Variants in MAPK6 observed in about 807,000 individuals in gnomAD.
MAPK6 encodes ERK-3.
MAPK6 carries 19 observed loss-of-function variants against 59.3 expected under a neutral mutation model. The ratio of observed to expected loss-of-function variants is 0.32; its 90% CI spans 0.22 to 0.47. MAPK6 has a LOEUF of 0.47. MAPK6 is among the 20% of genes least tolerant of loss of function. The probability of loss-of-function intolerance (pLI) is 1.00; values close to 1 mark genes in which losing one functional copy is unlikely to be tolerated. For synonymous variants in MAPK6, 316 were observed against 290.3 expected, an observed-to-expected ratio of 1.09 and a Z score of -0.90; for missense variants, 724 against 847.9, an observed-to-expected ratio of 0.85 and a Z score of 1.81.
intron 1 of MAPK6, among the ~76,000 whole-genome samples, chr15:51,977,280 G>A (rs1237635055): frequency 4.6e-5 from 7 of 151,702 alleles, no homozygotes. Flanking sequence ...TAGGATTACA[G>A]ACGTGAGCCA....
At chr15:52,023,031 C>T (rs1410761276) in intron 1 of MAPK6, among the ~76,000 whole-genome samples, 1 of 122,850 alleles carries the variant, frequency 8.1e-6, no homozygotes, top group Admixed American at 1.1e-4. Context: ...CGCTTGAACC[C>T]GGGAGGCAGA....
chr15:52,020,200 G>C (rs148558488), intron 1 of MAPK6, among the ~76,000 whole-genome samples: 1 of 152,186 alleles, frequency 6.6e-6, no homozygotes, highest in African/African-American at 2.4e-5. Flanking sequence ...ATTTTAGTCC[G>C]CCTTGTGAGT....
intron 1 of MAPK6, chr15:52,033,893 T>G (rs2031139860): frequency 6.6e-6 from 1 of 152,066 alleles, no homozygotes; most frequent in Admixed American, 6.5e-5. Flanking sequence ...TTGTTTCTAG[T>G]GATAAATCAG....
At chr15:52,057,157 C>T (rs1417936897) in intron 3 of MAPK6, 3 of 151,656 alleles carry the variant, frequency 2.0e-5, no homozygotes, top group South Asian at 4.1e-4. Context: ...ATCCCTCCCC[C>T]GGTCCAGTCA....
At chr15:52,044,797 T>G (rs1340590411) in intron 1 of MAPK6, among the ~76,000 whole-genome samples, 1 of 152,140 alleles carries the variant, frequency 6.6e-6, no homozygotes, top group African/African-American at 2.4e-5. Flanking sequence ...CTCTATAAGA[T>G]TCTAGTAATC....
intron 1 of MAPK6, among the ~76,000 whole-genome samples, chr15:52,028,313 C>T (rs1229822243): frequency 1.3e-5 from 2 of 152,074 alleles, no homozygotes; most frequent in Non-Finnish European, 1.5e-5. Flanking sequence ...TCTTGAACTA[C>T]TGACCTCAAG....
intron 2 of MAPK6, among the ~76,000 whole-genome samples, chr15:51,988,037 A>G (rs1160770858): frequency 6.6e-6 from 1 of 152,128 alleles, no homozygotes; most frequent in African/African-American, 2.4e-5. Context: ...AAGTGCTAGG[A>G]TTACAGGCGT....
intron 2 of MAPK6, among the ~76,000 whole-genome samples, chr15:52,003,561 G>C (rs910847669): frequency 6.6e-6 from 1 of 152,198 alleles, no homozygotes; most frequent in Non-Finnish European, 1.5e-5. Context: ...CTTGGAGGGG[G>C]ATCTGGTCAA....
chr15:52,033,523 T>C (rs1373794378), intron 1 of MAPK6, among the ~76,000 whole-genome samples: 2 of 152,248 alleles, frequency 1.3e-5, no homozygotes, highest in Non-Finnish European at 2.9e-5. Flanking sequence ...CTTAGACCAG[T>C]GGTCTGTCGG....
chr15:52,058,557 A>C, intron 3 of MAPK6, 76 bp from the exon 4 acceptor site: 1 of 1,239,018 alleles, frequency 8.1e-7, no homozygotes, highest in Non-Finnish European at 1.1e-6. Flanking sequence ...TATAATATTT[A>C]AATTAGTTTA....
In MAPK6 at chr15:52,032,377, A is replaced by G. The variant is rs1052126908; in HGVS notation, c.-632+13001A>G. Among the ~76,000 whole-genome samples the G allele has an allele frequency of 9.3e-5, 14 of 150,600 alleles. No individual in the cohort carries two copies. The East Asian group carries it at 2.8e-3, about 30-fold the overall frequency. On this transcript the variant is annotated intron_variant, in intron 1 of 5. Coordinates refer to ENST00000261845, the MANE Select transcript of MAPK6 (RefSeq NM_002748.4). ...AGCTAATTTTGTATTTTTCATAGAGATGGGGTTTCTCCATTTTGGCCAGGC... is the reference window on the plus strand; with the variant it reads ...AGCTAATTTTGTATTTTTCATAGAGGTGGGGTTTCTCCATTTTGGCCAGGC...
intron 1 of MAPK6, among the ~76,000 whole-genome samples, chr15:52,023,680 C>T (rs773845105): frequency 2.6e-5 from 4 of 152,250 alleles, no homozygotes; most frequent in South Asian, 2.1e-4. Context: ...CGCGCCATCT[C>T]GGCTCACTGC....
At chr15:52,017,864 G>A (rs1310258421), upstream of MAPK6, 2 of 152,210 alleles carry the variant, frequency 1.3e-5, no homozygotes, top group Non-Finnish European at 2.9e-5. Context: ...GAAGGTACGA[G>A]CTCTCGTTGC....
intron 1 of MAPK6, among the ~76,000 whole-genome samples, chr15:52,020,972 A>C (rs2030505950): frequency 6.6e-6 from 1 of 152,220 alleles, no homozygotes; most frequent in Non-Finnish European, 1.5e-5. Context: ...ACTGTTGAGA[A>C]GAAAACACTG....
intron 3 of MAPK6, among the ~76,000 whole-genome samples, chr15:52,005,517 C>T (rs1240228746): frequency 6.6e-6 from 1 of 150,514 alleles, no homozygotes. Context: ...ACAAGAGTGA[C>T]ATTCCATCTC....
intron 1 of MAPK6, among the ~76,000 whole-genome samples, chr15:52,030,464 G>A (rs1566904752): frequency 1.3e-5 from 2 of 152,050 alleles, no homozygotes; most frequent in African/African-American, 2.4e-5. Flanking sequence ...CCAGTGTAAC[G>A]TGATTCTGGA....
At chr15:52,054,741 CACACACACATATACACATACATAGAT>C (rs2031904078) in intron 3 of MAPK6, among the ~76,000 whole-genome samples, 1 of 150,550 alleles carries the variant, frequency 6.6e-6, no homozygotes, top group Non-Finnish European at 1.5e-5. Context: ...CACACACACA[CACACACACATATACACATACATAGAT>C]ACACACATAC....
chr15:52,061,677 G>T (rs929554589), intron 5 of MAPK6, among the ~76,000 whole-genome samples, 177 bp downstream of exon 5: 2 of 152,090 alleles, frequency 1.3e-5, no homozygotes, highest in African/African-American at 4.8e-5. Flanking sequence ...GCTACTTGGA[G>T]GCTGAGGCAG....
intron 2 of MAPK6, among the ~76,000 whole-genome samples, chr15:51,983,744 A>T (rs929528897): frequency 3.3e-5 from 5 of 152,062 alleles, no homozygotes; most frequent in African/African-American, 1.2e-4. Context: ...GAGGTTGAGG[A>T]TGCAGTGAGC....
Sources: allele counts gnomAD v4.1 joint callset (sites outside exome capture counted in the v4.1 genomes callset), GRCh38; gene constraint gnomAD v4.1.1; transcripts MANE v1.5; gene names NCBI Gene and HGNC (gene_info 2026-07-23, HGNC 2026-07-21).